Variants in DNAJC3 observed in about 807,000 individuals in gnomAD.
DNAJC3 encodes the protein dnaJ homolog subfamily C member 3.
In DNAJC3, 38 loss-of-function variants were observed where a neutral mutation model predicts 68.6. That is an observed-to-expected ratio of 0.55 (90% CI 0.43 to 0.73). DNAJC3 has a LOEUF of 0.73. Among genes scored for constraint, DNAJC3 ranks in the 30% least tolerant of loss-of-function variants. The pLI is 0.00. For missense variants in DNAJC3, 526 were observed against 591.9 expected (o/e 0.89, Z 1.16); for synonymous variants, 203 against 204.0 (o/e 1.00, Z 0.04).
intron 1 of DNAJC3, among the ~76,000 whole-genome samples, chr13:95,690,834 AGAGG>A (rs1880221010): frequency 7.9e-6 from 1 of 127,214 alleles, no homozygotes; most frequent in Non-Finnish European, 1.7e-5. Flanking sequence ...CTGGCCGGGC[AGAGG>A]GGCTCCTCAC....
Position 95,731,902 on chromosome 13 carries a change from T to C in DNAJC3, c.393+6650T>C, listed in dbSNP as rs1015119191. ...GGTGTGCATCACCACGCCTGGCTAA[T>C]TTTTTTTTTTTTTTTTTTTTTGAGA... On this transcript the variant is annotated intron_variant, in intron 4 of 11. Transcript: ENST00000602402. 5.2e-4 allele frequency among the ~76,000 whole-genome samples: 42 copies of C among 81,112 alleles called. 1 individual carries two copies. In the East Asian group the frequency reaches 8.9e-3, roughly 17 times the overall value. The allele number at this position is 81,112 out of a possible 152,430, so 53.2% of individuals were successfully genotyped here.
chr13:95,778,391 A>G (rs1883345153), intron 9 of DNAJC3, among the ~76,000 whole-genome samples: 1 of 152,238 alleles, frequency 6.6e-6, no homozygotes, highest in Non-Finnish European at 1.5e-5. Flanking sequence ...TTTGCACGCC[A>G]TTTATTGAAG....
chr13:95,685,627 C>T (rs1252194423), intron 1 of DNAJC3, among the ~76,000 whole-genome samples: 4 of 151,722 alleles, frequency 2.6e-5, no homozygotes, highest in Non-Finnish European at 5.9e-5. Flanking sequence ...TGTGCCCCAC[C>T]CAAATCTTAT....
At position 95,793,595 on chromosome 13, in the gene DNAJC3, C is replaced by A. The variant is rs984599215; in HGVS notation, c.*2565C>A. ...TTCTCCTGCCTCAGCCTCCAAGTAG[C>A]TGGGACTATAGGCACGCACCACCAT... On this transcript the variant is annotated 3_prime_UTR_variant, in exon 12 of 12. Coordinates refer to ENST00000602402, the MANE Select transcript of DNAJC3 (RefSeq NM_006260.5). The A allele has an allele frequency of 6.1e-5, 9 of 148,692 alleles. No individual in the cohort carries two copies. The highest frequency in any genetic ancestry group is 2.0e-4 in the African/African-American group (8 of 39,978). The allele number at this position is 148,692 out of a possible 1,614,324, so 9.2% of individuals were successfully genotyped here. A position where few individuals can be genotyped will look rare whatever the true frequency, so the allele number is the denominator to read the frequency against.
intron 4 of DNAJC3, among the ~76,000 whole-genome samples, chr13:95,757,381 C>G (rs1882694624): frequency 6.6e-6 from 1 of 152,142 alleles, no homozygotes; most frequent in Non-Finnish European, 1.5e-5. Context: ...TTTCACGTGC[C>G]TACATGTATT....
chr13:95,733,390 T>C (rs1385163128), intron 4 of DNAJC3, among the ~76,000 whole-genome samples: 1 of 152,114 alleles, frequency 6.6e-6, no homozygotes, highest in Non-Finnish European at 1.5e-5. Context: ...TATAATGACT[T>C]TTGTCTTTTT....
chr13:95,691,836 C>T (rs890025415), intron 1 of DNAJC3, among the ~76,000 whole-genome samples: 4 of 152,242 alleles, frequency 2.6e-5, no homozygotes, highest in African/African-American at 9.6e-5. Context: ...GCGGATCACT[C>T]GCGGTTAGGA....
chr13:95,774,996 T>C (rs1883257048), intron 9 of DNAJC3, among the ~76,000 whole-genome samples: 1 of 152,226 alleles, frequency 6.6e-6, no homozygotes, highest in Non-Finnish European at 1.5e-5. Flanking sequence ...TGTATGTAGG[T>C]CTGCCATTTT....
chr13:95,679,109 G>A (rs1879844570), intron 1 of DNAJC3, among the ~76,000 whole-genome samples: 1 of 149,804 alleles, frequency 6.7e-6, no homozygotes, highest in African/African-American at 2.5e-5. Context: ...TTCATTTTGT[G>A]TGCACGCTGG....
intron 4 of DNAJC3, among the ~76,000 whole-genome samples, chr13:95,728,886 A>G (rs1881612828): frequency 6.6e-6 from 1 of 152,102 alleles, no homozygotes; most frequent in Middle Eastern, 3.4e-3. Context: ...ATTAAACATT[A>G]CCTCTTATTC....
intron 4 of DNAJC3, among the ~76,000 whole-genome samples, chr13:95,734,814 C>T (rs530568838): frequency 1.1e-4 from 16 of 142,162 alleles, no homozygotes; most frequent in African/African-American, 4.3e-4. Flanking sequence ...ATTGTTGAAG[C>T]TCTTTTTTTT....
chr13:95,765,964 A>C (rs1882982732), intron 9 of DNAJC3, among the ~76,000 whole-genome samples: 1 of 152,074 alleles, frequency 6.6e-6, no homozygotes, highest in Non-Finnish European at 1.5e-5. Flanking sequence ...ACATTTGCAA[A>C]AGAAAGAAAG....
At chr13:95,771,884 G>C (rs924465578) in intron 9 of DNAJC3, among the ~76,000 whole-genome samples, 2 of 149,050 alleles carry the variant, frequency 1.3e-5, no homozygotes, top group Admixed American at 6.7e-5. Flanking sequence ...GCCATGTATA[G>C]TATGTTCTCT....
rs137868150 is a variant in DNAJC3 at position 95,765,771 on chromosome 13, C to T, written c.1075+1818C>T. Among the ~76,000 whole-genome samples the T allele has an allele frequency of 5.3e-3, 806 of 151,966 alleles. 9 individuals are homozygous for T. The highest frequency in any genetic ancestry group is 0.019 in the African/African-American group (773 of 41,452). ...ACTTCTAGTAGTGATGGGGTTTCAC[C>T]ATGTTGGCCAGGCTGGTCCTGAACT... is the stretch of plus-strand genomic sequence containing the variant. On this transcript the variant is annotated intron_variant, in intron 9 of 11. Transcript: ENST00000602402.
intron 4 of DNAJC3, among the ~76,000 whole-genome samples, chr13:95,754,068 C>G (rs1006746083): frequency 2.6e-5 from 4 of 152,186 alleles, no homozygotes; most frequent in Admixed American, 2.6e-4. Context: ...TTAAGTAACA[C>G]ACATTTATAT....
chr13:95,753,140 C>CTTAG (rs1400371749), intron 4 of DNAJC3, among the ~76,000 whole-genome samples: 1 of 152,094 alleles, frequency 6.6e-6, no homozygotes, highest in Non-Finnish European at 1.5e-5. Flanking sequence ...CTGCTTCTTC[C>CTTAG]TTAGTCTGTT....
At chr13:95,711,041 ATTG>A (rs902873239) in intron 2 of DNAJC3, among the ~76,000 whole-genome samples, 4 of 152,058 alleles carry the variant, frequency 2.6e-5, no homozygotes, top group African/African-American at 9.7e-5. Context: ...CTATCATCCT[ATTG>A]TTGTAATTTA....
intron 1 of DNAJC3, chr13:95,693,872 C>T (rs1880352954): frequency 6.6e-6 from 1 of 152,166 alleles, no homozygotes; most frequent in Non-Finnish European, 1.5e-5. Context: ...ATTTCACAGA[C>T]CCACGTTACA....
chr13:95,729,496 G>A (rs1466601846), intron 4 of DNAJC3, among the ~76,000 whole-genome samples: 2 of 151,862 alleles, frequency 1.3e-5, no homozygotes, highest in Non-Finnish European at 2.9e-5. Flanking sequence ...GAATAGTGCT[G>A]CAATAAACAT....
Sources: gnomAD v4.1 joint callset for allele counts (sites outside exome capture counted in the v4.1 genomes callset) on GRCh38, gnomAD v4.1.1 for gene constraint, MANE v1.5 for transcripts, NCBI Gene and HGNC (gene_info 2026-07-23, HGNC 2026-07-21) for gene names.